PDLIM5: variants seen among roughly 807,000 people sequenced by gnomAD.
PDLIM5 encodes the protein PDZ and LIM domain 5.
A neutral mutation model predicts 64.2 loss-of-function variants in PDLIM5; 34 were observed. The ratio of observed to expected loss-of-function variants is 0.53; its 90% confidence interval spans 0.40 to 0.71. The LOEUF (loss-of-function observed/expected upper bound fraction) is 0.71, where lower values mean the gene tolerates loss of function less well. Ranked by LOEUF, PDLIM5 falls within the 30% of genes least tolerant of loss-of-function variation. The pLI is 0.00. For synonymous variants in PDLIM5, 253 were observed against 269.1 expected (o/e 0.94, Z 0.59); for missense variants, 683 against 733.6 (o/e 0.93, Z 0.80).
chr4:94,634,064 G>A (rs1017128027), intron 8 of PDLIM5, among the ~76,000 whole-genome samples: 1 of 152,140 alleles, frequency 6.6e-6, no homozygotes. Context: ...CAGGAGATCA[G>A]GTCAGAGAGA....
chr4:94,597,830 A>G (rs1239755856), intron 7 of PDLIM5, among the ~76,000 whole-genome samples: 1 of 152,176 alleles, frequency 6.6e-6, no homozygotes, highest in African/African-American at 2.4e-5. Context: ...ACTTGAGATC[A>G]TCTGGAAAAA....
chr4:94,639,934 C>T (rs942770835), intron 8 of PDLIM5, among the ~76,000 whole-genome samples: 2 of 151,488 alleles, frequency 1.3e-5, no homozygotes, highest in African/African-American at 2.4e-5. Flanking sequence ...GGTCGAGGCA[C>T]GAGAATCGCT....
intron 2 of PDLIM5, among the ~76,000 whole-genome samples, chr4:94,497,538 C>T (rs1358916673): frequency 2.0e-5 from 3 of 152,068 alleles, no homozygotes; most frequent in Admixed American, 1.3e-4. Context: ...TGATTATGCT[C>T]ATCTTTTAAG....
In PDLIM5 at chr4:94,546,326, C is replaced by T. The variant is rs114048795; in HGVS notation, c.248+22451C>T. Among the ~76,000 whole-genome samples the T allele has an allele frequency of 6.2e-3, 941 of 152,236 alleles. 6 individuals are homozygous for T. The highest frequency in any genetic ancestry group is 9.1e-3 in the Non-Finnish European group (621 of 68,000). ...TTACCGCCTACCTTACCCCACCCGG[C>T]CCCACACATCTATATACACACAACC... On this transcript the variant is annotated intron_variant, in intron 3 of 12. Transcript: ENST00000317968.
At chr4:94,519,163 A>G (rs1286966333) in intron 2 of PDLIM5, among the ~76,000 whole-genome samples, 1 of 152,220 alleles carries the variant, frequency 6.6e-6, no homozygotes, top group African/African-American at 2.4e-5. Flanking sequence ...GGCTTAGAGA[A>G]GCAGAAGGAA....
At chr4:94,512,123 C>T (rs1012482332) in intron 2 of PDLIM5, among the ~76,000 whole-genome samples, 2 of 151,784 alleles carry the variant, frequency 1.3e-5, no homozygotes, top group African/African-American at 2.4e-5. Context: ...CAGGTTCAAG[C>T]GATTCTCCTG....
chr4:94,457,173 C>A, intron 2 of PDLIM5: 1 of 973,744 alleles, frequency 1.0e-6, no homozygotes, highest in Non-Finnish European at 1.2e-6. Context: ...TATTAAAATA[C>A]TGCAAATCCC....
intron 3 of PDLIM5, among the ~76,000 whole-genome samples, chr4:94,554,087 A>G (rs1733048189): frequency 6.6e-6 from 1 of 152,162 alleles, no homozygotes; most frequent in Non-Finnish European, 1.5e-5. Context: ...TGTTGTCTTC[A>G]TATAATTTTA....
At chr4:94,641,693 T>C (rs1026620387) in intron 9 of PDLIM5, among the ~76,000 whole-genome samples, 1 of 152,248 alleles carries the variant, frequency 6.6e-6, no homozygotes, top group African/African-American at 2.4e-5. Context: ...CAGTATTTTG[T>C]AAGCTGCTAT....
At chr4:94,639,214 G>A (rs1740808977) in intron 8 of PDLIM5, among the ~76,000 whole-genome samples, 1 of 152,172 alleles carries the variant, frequency 6.6e-6, no homozygotes, top group African/African-American at 2.4e-5. Flanking sequence ...TGTTCTTGGA[G>A]CATAAAGTGA....
chr4:94,584,844 A>G (rs1001522378), intron 5 of PDLIM5: 5 of 622,154 alleles, frequency 8.0e-6, no homozygotes, highest in South Asian at 2.1e-5. Flanking sequence ...ACAGTGAACA[A>G]TACAAATAAT....
intron 7 of PDLIM5, chr4:94,610,160 G>T: frequency 6.6e-7 from 1 of 1,516,314 alleles, no homozygotes; most frequent in East Asian, 2.5e-5. Flanking sequence ...CTACCTGTCA[G>T]TTTAAGCAGC....
At chr4:94,548,817 G>A (rs1156261550) in intron 3 of PDLIM5, among the ~76,000 whole-genome samples, 1 of 152,112 alleles carries the variant, frequency 6.6e-6, no homozygotes, top group African/African-American at 2.4e-5. Flanking sequence ...TGCCAGTGGT[G>A]ATTTGATGTC....
intron 3 of PDLIM5, among the ~76,000 whole-genome samples, chr4:94,542,514 C>T (rs1731909412): frequency 6.6e-6 from 1 of 152,036 alleles, no homozygotes; most frequent in Non-Finnish European, 1.5e-5. Context: ...ATACATCTTA[C>T]CTTCTAGGTA....
At chr4:94,463,080 C>T (rs1385555726) in intron 2 of PDLIM5, among the ~76,000 whole-genome samples, 1 of 152,230 alleles carries the variant, frequency 6.6e-6, no homozygotes, top group Non-Finnish European at 1.5e-5. Context: ...AAACTAACTT[C>T]CTCTCTATCT....
chr4:94,659,482 A>ATGTG (rs1742481696), intron 11 of PDLIM5, among the ~76,000 whole-genome samples: 3 of 133,650 alleles, frequency 2.2e-5, no homozygotes, highest in Non-Finnish European at 3.2e-5. Flanking sequence ...CAGCTGTAGT[A>ATGTG]TATATGTGTG....
chr4:94,517,063 A>G, intron 2 of PDLIM5, among the ~76,000 whole-genome samples: 1 of 152,172 alleles, frequency 6.6e-6, no homozygotes, highest in South Asian at 2.1e-4. Context: ...TAATGCATAT[A>G]TGCGGGGGGG....
At chr4:94,606,607 C>T (rs1302294925) in intron 7 of PDLIM5, among the ~76,000 whole-genome samples, 4 of 152,278 alleles carry the variant, frequency 2.6e-5, no homozygotes, top group Middle Eastern at 6.8e-3. Flanking sequence ...CCCAAGATCA[C>T]CTAGAGCAGG....
At chr4:94,610,222 T>G (rs1178850295) in intron 7 of PDLIM5, 1 of 1,519,560 alleles carries the variant, frequency 6.6e-7, no homozygotes, top group Non-Finnish European at 8.8e-7. Context: ...CTTTTCTACC[T>G]TCTCTTCTCC....
Sources: allele counts gnomAD v4.1 joint callset (sites outside exome capture counted in the v4.1 genomes callset), GRCh38; gene constraint gnomAD v4.1.1; transcripts MANE v1.5; gene names NCBI Gene and HGNC (gene_info 2026-07-23, HGNC 2026-07-21).